Variants in PTGER3 observed in about 807,000 individuals in gnomAD.
PTGER3 encodes the protein prostaglandin E receptor 3, also known as prostaglandin E2 receptor EP3 subtype.
In PTGER3, 22 loss-of-function variants were observed where a neutral mutation model predicts 34.7. That is an observed-to-expected ratio of 0.63 (90% CI 0.45 to 0.91). PTGER3 has a LOEUF of 0.91. Among genes scored for constraint, PTGER3 ranks in the 40% least tolerant of loss-of-function variants. The pLI is 0.00. For missense variants in PTGER3, 468 were observed against 519.4 expected (o/e 0.90, Z 0.96); for synonymous variants, 241 against 230.1 (o/e 1.05, Z -0.43).
chr1:70,990,402 A>T (rs1047325075), intron 2 of PTGER3, among the ~76,000 whole-genome samples: 3 of 142,598 alleles, frequency 2.1e-5, no homozygotes, highest in East Asian at 2.1e-4. Context: ...TATATATATA[A>T]AATACATATT....
At chr1:71,025,690 G>A (rs10399704) in intron 1 of PTGER3, among the ~76,000 whole-genome samples, 56,822 of 152,032 alleles carry the variant, frequency 0.37, 11,530 homozygotes, top group South Asian at 0.47. Context: ...GACTATGCTT[G>A]CCTGTGAGGT....
At chr1:70,871,580 T>G (rs1476301811) in intron 4 of PTGER3, among the ~76,000 whole-genome samples, 1 of 152,084 alleles carries the variant, frequency 6.6e-6, no homozygotes, top group Non-Finnish European at 1.5e-5. Context: ...AAGTCATGAT[T>G]TTTTCACCAT....
chr1:70,932,082 C>T (rs1407779830), intron 4 of PTGER3, among the ~76,000 whole-genome samples: 1 of 152,180 alleles, frequency 6.6e-6, no homozygotes, highest in Non-Finnish European at 1.5e-5. Flanking sequence ...CTTTAATCAT[C>T]TCTCTCAAGT....
chr1:70,891,242 A>C (rs1376397490), intron 4 of PTGER3, among the ~76,000 whole-genome samples: 2 of 152,206 alleles, frequency 1.3e-5, no homozygotes, highest in Non-Finnish European at 2.9e-5. Context: ...TCACACAGGC[A>C]CTCAATTAAG....
At chr1:71,011,440 G>C (rs901018863) in intron 2 of PTGER3, 1 of 985,076 alleles carries the variant, frequency 1.0e-6, no homozygotes, top group Non-Finnish European at 1.2e-6. Context: ...TGCTCAAATC[G>C]GTCCTTACAT....
chr1:70,858,150 T>C (rs182040775), intron 4 of PTGER3, among the ~76,000 whole-genome samples: 1 of 152,002 alleles, frequency 6.6e-6, no homozygotes, highest in Admixed American at 6.6e-5. Flanking sequence ...TAAAATGGGA[T>C]GATAGAGGCA....
At chr1:70,927,806 T>A (rs1648261000) in intron 4 of PTGER3, among the ~76,000 whole-genome samples, 1 of 152,054 alleles carries the variant, frequency 6.6e-6, no homozygotes, top group Non-Finnish European at 1.5e-5. Context: ...CCAATGATGT[T>A]ATCTGTCTCC....
chr1:71,042,474 A>G (rs542077135), intron 1 of PTGER3, among the ~76,000 whole-genome samples: 2 of 152,136 alleles, frequency 1.3e-5, no homozygotes, highest in African/African-American at 4.8e-5. Flanking sequence ...TTTTCTGAAC[A>G]GATTATAACA....
intron 4 of PTGER3, among the ~76,000 whole-genome samples, chr1:70,902,881 C>G (rs1396347144): frequency 2.0e-5 from 3 of 152,074 alleles, no homozygotes; most frequent in African/African-American, 7.2e-5. Flanking sequence ...ACTCATAATA[C>G]CTGTAGCGGG....
intron 1 of PTGER3, 130 bp downstream of exon 1, chr1:71,046,551 A>C (rs1339114561): frequency 1.4e-5 from 16 of 1,144,242 alleles, no homozygotes; most frequent in Non-Finnish European, 1.9e-5. Context: ...CCGCGCGGGC[A>C]GGAGGAAAGG....
chr1:71,034,134 T>A (rs1659627772), intron 1 of PTGER3, among the ~76,000 whole-genome samples: 1 of 152,128 alleles, frequency 6.6e-6, no homozygotes, highest in South Asian at 2.1e-4. Context: ...ATTAGTTTTA[T>A]CTTATTTTAT....
At chr1:70,864,636 T>G (rs1461386579) in intron 4 of PTGER3, among the ~76,000 whole-genome samples, 3 of 152,160 alleles carry the variant, frequency 2.0e-5, no homozygotes, top group Admixed American at 2.0e-4. Context: ...GAACAAGACA[T>G]AGTTCCCTCA....
intron 2 of PTGER3, among the ~76,000 whole-genome samples, chr1:71,005,274 T>C (rs1656848685): frequency 6.6e-6 from 1 of 152,210 alleles, no homozygotes; most frequent in African/African-American, 2.4e-5. Flanking sequence ...AGGATCTATG[T>C]AGAGCCACAC....
At chr1:70,960,045 A>G (rs1444390615) in intron 2 of PTGER3, among the ~76,000 whole-genome samples, 1 of 152,186 alleles carries the variant, frequency 6.6e-6, no homozygotes, top group Non-Finnish European at 1.5e-5. Flanking sequence ...ACCTAAAGGC[A>G]TAGATTGGTA....
At chr1:70,968,906 C>T (rs1018662648), downstream of PTGER3, among the ~76,000 whole-genome samples, 12 of 151,956 alleles carry the variant, frequency 7.9e-5, no homozygotes, top group African/African-American at 2.7e-4. Context: ...AATAAACATG[C>T]TATGTAAAAC....
At chr1:70,869,579 T>C (rs1316564832) in intron 4 of PTGER3, among the ~76,000 whole-genome samples, 1 of 152,192 alleles carries the variant, frequency 6.6e-6, no homozygotes, top group Non-Finnish European at 1.5e-5. Context: ...AAATAATTTA[T>C]TTACTTCCAA....
chr1:70,958,712 T>C (rs1651612049), intron 2 of PTGER3, among the ~76,000 whole-genome samples: 1 of 152,232 alleles, frequency 6.6e-6, no homozygotes, highest in Admixed American at 6.5e-5. Context: ...TTAGCTTTTG[T>C]TGCCAGGGCT....
At chr1:71,032,229 C>A (rs1659472152) in intron 1 of PTGER3, among the ~76,000 whole-genome samples, 1 of 152,122 alleles carries the variant, frequency 6.6e-6, no homozygotes, top group Admixed American at 6.5e-5. Flanking sequence ...TCTTATAAGG[C>A]CACCTCTCAT....
At chr1:70,994,848 A>G in intron 2 of PTGER3, among the ~76,000 whole-genome samples, 1 of 152,138 alleles carries the variant, frequency 6.6e-6, no homozygotes, top group East Asian at 1.9e-4. Flanking sequence ...AATCAATTTA[A>G]TAAGTATTTC....
Sources: allele counts gnomAD v4.1 joint callset (sites outside exome capture counted in the v4.1 genomes callset), GRCh38; gene constraint gnomAD v4.1.1; transcripts MANE v1.5; gene names NCBI Gene and HGNC (gene_info 2026-07-23, HGNC 2026-07-21).